IL21R: variants seen among roughly 807,000 people sequenced by gnomAD.
IL21R encodes the protein interleukin 21 receptor, also known as interleukin-21 receptor.
In IL21R, 14 loss-of-function variants were observed where a neutral mutation model predicts 41.3. The observed-to-expected ratio is 0.34, with a 90% CI of 0.22 to 0.53. The LOEUF is 0.53. Among genes scored for constraint, IL21R ranks in the 20% least tolerant of loss-of-function variants. IL21R has a pLI of 0.94. For missense variants in IL21R, 588 were observed against 681.6 expected (o/e 0.86, Z 1.53); for synonymous variants, 286 against 287.6 (o/e 0.99, Z 0.05).
chr16:27,411,929 T>C (rs928725298), intron 1 of IL21R, among the ~76,000 whole-genome samples: 12 of 152,242 alleles, frequency 7.9e-5, no homozygotes, highest in African/African-American at 2.7e-4. Flanking sequence ...GAACAGAAGT[T>C]TTAAAGTTTG....
intron 1 of IL21R, among the ~76,000 whole-genome samples, chr16:27,408,473 G>T (rs2086780686): frequency 1.3e-5 from 2 of 152,152 alleles, no homozygotes; most frequent in South Asian, 4.1e-4. Context: ...GGATAACAGA[G>T]AGCCATGGAA....
chr16:27,430,153 A>G (rs1486559315), intron 2 of IL21R, 33 bp downstream of exon 2: 3 of 1,588,688 alleles, frequency 1.9e-6, no homozygotes, highest in Admixed American at 1.7e-5. Context: ...GCGGGTGGGG[A>G]GGGCCCCCAT....
At position 27,434,392 on chromosome 16, in the gene IL21R, C is replaced by T. The variant is rs374987749; in HGVS notation, c.95C>T (p.Thr32Met). 23 of 1,613,896 alleles carry T rather than the reference C, an allele frequency of 1.4e-5. No homozygotes were observed. In the African/African-American group the frequency reaches 1.6e-4, roughly 11 times the overall value. Residue 32 changes from threonine (T) to methionine (M), a missense_variant, in exon 3 of 9, where the codon ACG (threonine) becomes ATG (methionine). Physicochemically the swap from Thr to Met is moderately conservative, Grantham distance 81 (BLOSUM62 -1). Coordinates refer to ENST00000337929, the MANE Select transcript of IL21R (RefSeq NM_181078.3). ...DLVCYTDYLQ[T>M]VICILEMWNL... Reference sequence around the variant, plus strand: ...GTCTGCTACACCGATTACCTCCAGACGGTCATCTGCATCCTGGAAATGTGG... The same window carrying T: ...GTCTGCTACACCGATTACCTCCAGATGGTCATCTGCATCCTGGAAATGTGG...
intron 4 of IL21R, among the ~76,000 whole-genome samples, chr16:27,438,046 GT>G (rs1311515302): frequency 2.0e-5 from 3 of 152,114 alleles, no homozygotes; most frequent in African/African-American, 7.2e-5. Context: ...TCTGTTTTGA[GT>G]TGCGCTATTT....
chr16:27,424,453 T>C (rs2087044690), intron 1 of IL21R, among the ~76,000 whole-genome samples: 1 of 152,112 alleles, frequency 6.6e-6, no homozygotes, highest in Non-Finnish European at 1.5e-5. Context: ...TTCCCCAGAA[T>C]CTCTTGAAAT....
intron 1 of IL21R, among the ~76,000 whole-genome samples, chr16:27,419,671 G>A (rs2086967763): frequency 6.6e-6 from 1 of 152,068 alleles, no homozygotes; most frequent in South Asian, 2.1e-4. Flanking sequence ...CAAGTGATCT[G>A]CCTGCCTCAG....
intron 1 of IL21R, among the ~76,000 whole-genome samples, chr16:27,425,880 A>G (rs1039657523): frequency 2.6e-5 from 4 of 152,158 alleles, no homozygotes; most frequent in African/African-American, 4.8e-5. Flanking sequence ...TTAAACAAAG[A>G]CAAACCACAT....
chr16:27,411,219 C>T (rs535629235), intron 1 of IL21R, among the ~76,000 whole-genome samples: 35 of 151,784 alleles, frequency 2.3e-4, no homozygotes, highest in South Asian at 4.2e-4. Flanking sequence ...TTTAAAGTTT[C>T]GCATCATTTT....
intron 3 of IL21R, among the ~76,000 whole-genome samples, chr16:27,436,741 T>G (rs980467873): frequency 1.3e-5 from 2 of 152,182 alleles, no homozygotes; most frequent in African/African-American, 4.8e-5. Context: ...CATTTAGCTC[T>G]TTTCCTGGCC....
chr16:27,427,043 A>T (rs2087089472), intron 1 of IL21R, among the ~76,000 whole-genome samples: 1 of 152,172 alleles, frequency 6.6e-6, no homozygotes, highest in Non-Finnish European at 1.5e-5. Flanking sequence ...GGTGACAAAG[A>T]TGGCTACAAG....
intron 1 of IL21R, among the ~76,000 whole-genome samples, chr16:27,419,138 C>G (rs977529470): frequency 2.0e-5 from 3 of 152,068 alleles, no homozygotes; most frequent in African/African-American, 7.2e-5. Flanking sequence ...TCACTTGAAC[C>G]CGGGAAAACC....
In IL21R at chr16:27,403,423, G is replaced by A. The variant is rs560022242; in HGVS notation, c.-17+805G>A. On this transcript the variant is annotated intron_variant, in intron 1 of 8. Transcript: ENST00000337929. ...GGTGCGGGACATTCAAAGCCAGGAG[G>A]CTGCTGCGAGGAGGACATCTGTGAT... Among the ~76,000 whole-genome samples the A allele has an allele frequency of 7.9e-5, 12 of 152,264 alleles. No homozygotes were observed. The South Asian group carries it at 2.5e-3, about 32-fold the overall frequency.
Position 27,430,041 on chromosome 16 carries a change from G to A in IL21R, c.-16-15G>A. On this transcript the variant is annotated splice_polypyrimidine_tract_variant and intron_variant, in intron 1 of 8. Transcript: ENST00000337929. ...GAGCCCGCCTGGCTCACCCTCCACT[G>A]TACGTCTCTTGCAGGCCCGTGGGAG... 2 of 1,604,922 alleles carry A rather than the reference G, an allele frequency of 1.2e-6. No individual in the cohort carries two copies. Among genetic ancestry groups the A allele is most frequent in the Non-Finnish European group, 1.7e-6 (2 of 1,179,462 alleles).
chr16:27,404,595 G>A (rs2086709188), intron 1 of IL21R, among the ~76,000 whole-genome samples: 1 of 152,192 alleles, frequency 6.6e-6, no homozygotes, highest in Non-Finnish European at 1.5e-5. Flanking sequence ...AGAGAGGGAA[G>A]CTAGCGCCTT....
At chr16:27,415,540 G>A (rs1567357595) in intron 1 of IL21R, among the ~76,000 whole-genome samples, 2 of 152,200 alleles carry the variant, frequency 1.3e-5, no homozygotes, top group African/African-American at 4.8e-5. Flanking sequence ...GATAACATCT[G>A]CTTATCATGA....
intron 5 of IL21R, among the ~76,000 whole-genome samples, chr16:27,443,594 G>A (rs2087428176): frequency 6.6e-6 from 1 of 152,096 alleles, no homozygotes; most frequent in African/African-American, 2.4e-5. Flanking sequence ...ACCAGCCAGG[G>A]CAACATGGTG....
intron 1 of IL21R, among the ~76,000 whole-genome samples, chr16:27,406,018 C>T (rs1210438030): frequency 2.0e-5 from 3 of 152,280 alleles, no homozygotes; most frequent in African/African-American, 4.8e-5. Context: ...TGCCATCCCC[C>T]ACTGTGTGAA....
At chr16:27,409,844 T>C (rs1335901260) in intron 1 of IL21R, among the ~76,000 whole-genome samples, 1 of 152,248 alleles carries the variant, frequency 6.6e-6, no homozygotes, top group African/African-American at 2.4e-5. Context: ...AACTATCTTG[T>C]CAATTTCCAC....
intron 1 of IL21R, among the ~76,000 whole-genome samples, chr16:27,404,448 G>A (rs549193971): frequency 1.3e-5 from 2 of 152,308 alleles, no homozygotes; most frequent in East Asian, 3.9e-4. Flanking sequence ...GTGGATACCA[G>A]AGGAGGAGGC....
Sources: gnomAD v4.1 joint callset for allele counts (sites outside exome capture counted in the v4.1 genomes callset) on GRCh38, gnomAD v4.1.1 for gene constraint, MANE v1.5 for transcripts, NCBI Gene and HGNC (gene_info 2026-07-23, HGNC 2026-07-21) for gene names.